PCDHA3: variants seen among roughly 807,000 people sequenced by gnomAD.
PCDHA3 encodes protocadherin alpha 3.
Under a neutral mutation model 62.2 loss-of-function variants are expected in PCDHA3, and 41 were observed. That is an observed-to-expected ratio of 0.66 (90% confidence interval 0.51 to 0.86). The LOEUF (loss-of-function observed/expected upper bound fraction) is 0.86. Among genes scored for constraint, PCDHA3 ranks in the 40% least tolerant of loss-of-function variants. The pLI, the probability that PCDHA3 is intolerant of heterozygous loss-of-function variation, is 0.00. For synonymous variants in PCDHA3, 640 were observed against 555.4 expected (o/e 1.15, Z -2.14); for missense variants, 1,304 against 1,241.2 (o/e 1.05, Z -0.76).
At chr5:140,935,473 AT>A (rs2090393235) in intron 1 of PCDHA3, among the ~76,000 whole-genome samples, 1 of 152,212 alleles carries the variant, frequency 6.6e-6, no homozygotes, top group African/African-American at 2.4e-5. Context: ...AGTTTTTGTC[AT>A]TCTTTTCATT....
intron 1 of PCDHA3, among the ~76,000 whole-genome samples, chr5:140,941,239 C>CTTTCTTTCT (rs2092936825): frequency 7.4e-6 from 1 of 134,500 alleles, no homozygotes; most frequent in South Asian, 2.4e-4. Context: ...TTCTTTCTTT[C>CTTTCTTTCT]TTTCTTTCTT....
chr5:140,914,052 G>T (rs1485469381), intron 1 of PCDHA3, among the ~76,000 whole-genome samples: 1 of 152,172 alleles, frequency 6.6e-6, no homozygotes, highest in East Asian at 1.9e-4. Flanking sequence ...TTCTGCAGCT[G>T]TTGGATGAAA....
intron 1 of PCDHA3, chr5:140,859,072 G>T (rs1168323371): frequency 6.6e-6 from 1 of 150,540 alleles, no homozygotes; most frequent in African/African-American, 2.4e-5. Flanking sequence ...AGTTGTAGTG[G>T]TACCTGTGTC....
At chr5:140,811,263 GTT>G (rs1288344710) in intron 1 of PCDHA3, 1 of 152,366 alleles carries the variant, frequency 6.6e-6, no homozygotes, top group Non-Finnish European at 1.5e-5. Context: ...GCAGTGTTTG[GTT>G]TTCTGTGCTT....
At chr5:140,857,792 C>A (rs368399538) in intron 1 of PCDHA3, 3 of 1,597,430 alleles carry the variant, frequency 1.9e-6, no homozygotes, top group Non-Finnish European at 1.7e-6. Flanking sequence ...GCTGGTGCTG[C>A]GGTCGGTGGT....
chr5:140,980,749 G>A (rs1388943582), intron 2 of PCDHA3, among the ~76,000 whole-genome samples: 1 of 151,942 alleles, frequency 6.6e-6, no homozygotes, highest in Non-Finnish European at 1.5e-5. Flanking sequence ...TTTGAGTAGG[G>A]TAAGAAATAA....
At chr5:140,897,591 T>C (rs542451957) in intron 1 of PCDHA3, among the ~76,000 whole-genome samples, 1 of 152,312 alleles carries the variant, frequency 6.6e-6, no homozygotes, top group African/African-American at 2.4e-5. Flanking sequence ...TCTGTCATTG[T>C]TGGACATTTG....
chr5:140,988,516 G>A (rs1226381986), intron 3 of PCDHA3, among the ~76,000 whole-genome samples: 1 of 152,156 alleles, frequency 6.6e-6, no homozygotes, highest in African/African-American at 2.4e-5. Flanking sequence ...GCTTACTTAA[G>A]TCTCTGCTGG....
chr5:140,843,886 T>A, intron 1 of PCDHA3: 1 of 704,592 alleles, frequency 1.4e-6, no homozygotes, highest in Non-Finnish European at 2.3e-6. Context: ...CATAATACAG[T>A]ATTAATCATT....
At chr5:140,954,831 C>CCT (rs2095096167) in intron 1 of PCDHA3, among the ~76,000 whole-genome samples, 1 of 152,116 alleles carries the variant, frequency 6.6e-6, no homozygotes, top group Admixed American at 6.5e-5. Flanking sequence ...GCACTTTTGT[C>CCT]ATGAAATCTT....
intron 3 of PCDHA3, among the ~76,000 whole-genome samples, chr5:141,000,385 C>A (rs868983393): frequency 3.1e-5 from 2 of 64,984 alleles, no homozygotes; most frequent in South Asian, 5.2e-4. Flanking sequence ...CTCTCTCTCT[C>A]TCTCTCTCTC....
chr5:140,944,569 G>A (rs2093670092), intron 1 of PCDHA3, among the ~76,000 whole-genome samples: 1 of 152,158 alleles, frequency 6.6e-6, no homozygotes, highest in African/African-American at 2.4e-5. Context: ...GCAACTTACT[G>A]TAGAGATCAC....
chr5:140,929,174 G>C, intron 1 of PCDHA3: 1 of 1,614,140 alleles, frequency 6.2e-7, no homozygotes, highest in South Asian at 1.1e-5. Flanking sequence ...GCCTCTCTGG[G>C]ACTTGGTTCT....
In PCDHA3 at chr5:140,928,306, C is replaced by T. The variant is rs782598364; in HGVS notation, c.2395-50643C>T. 7.6e-5 allele frequency: 122 copies of T among 1,613,984 alleles called. No individual in the cohort carries two copies. The highest frequency in any genetic ancestry group is 1.8e-4 in the Admixed American group (11 of 60,002). ...TCTAGGCCGAGTGTTTGCCCAGGAC[C>T]CCGACCTGGGGAAGAATGGCCTTGT... is the stretch of plus-strand genomic sequence containing the variant. On this transcript the variant is annotated intron_variant, in intron 1 of 3. Coordinates refer to ENST00000522353, the MANE Select transcript of PCDHA3 (RefSeq NM_018906.3).
chr5:140,876,467 G>T, intron 1 of PCDHA3: 1 of 1,614,020 alleles, frequency 6.2e-7, no homozygotes, highest in Non-Finnish European at 8.5e-7. Flanking sequence ...TCCATGGCAG[G>T]TCACAGCATG....
rs782516629 is a variant in PCDHA3, at chr5:140,876,277, C to G, written c.2394+72686C>G. 5 of 1,613,988 alleles carry G rather than the reference C, an allele frequency of 3.1e-6. No homozygotes were observed. The highest frequency in any genetic ancestry group is 2.2e-5 in the East Asian group (1 of 44,886). Reference sequence around the variant, plus strand: ...AGTGATCCAACTAAATGCTTCCGATCCAGACGAAGGACTTAATGGAGAAAT... The same window carrying G: ...AGTGATCCAACTAAATGCTTCCGATGCAGACGAAGGACTTAATGGAGAAAT... On this transcript the variant is annotated intron_variant, in intron 1 of 3. Transcript: ENST00000522353.
intron 1 of PCDHA3, chr5:140,824,079 C>G (rs149846106): frequency 6.2e-6 from 10 of 1,614,220 alleles, no homozygotes; most frequent in Non-Finnish European, 8.5e-6. Context: ...AAACAGACCT[C>G]ATGGCCTTCA....
intron 1 of PCDHA3, chr5:140,883,651 G>A (rs782597421): frequency 1.9e-6 from 3 of 1,613,652 alleles, no homozygotes; most frequent in Middle Eastern, 1.7e-4. Flanking sequence ...CCGAGTACAC[G>A]GTGTTCGTGA....
chr5:140,927,042 G>T (rs548394870), intron 1 of PCDHA3: 7 of 1,612,270 alleles, frequency 4.3e-6, no homozygotes, highest in Non-Finnish European at 4.2e-6. Context: ...CGGCCGCTAT[G>T]TCCTCGCGGA....
Sources: gnomAD v4.1 joint callset for allele counts (sites outside exome capture counted in the v4.1 genomes callset) on GRCh38, gnomAD v4.1.1 for gene constraint, MANE v1.5 for transcripts, NCBI Gene and HGNC (gene_info 2026-07-23, HGNC 2026-07-21) for gene names.